Variants in SEC14L5 observed in about 807,000 individuals in gnomAD.
The protein encoded by SEC14L5 is SEC14 like lipid binding 5.
A neutral mutation model predicts 84.6 loss-of-function variants in SEC14L5; 96 were observed. That is an observed-to-expected ratio of 1.13 (90% confidence interval 0.96 to 1.34). The LOEUF is 1.34. Ranked by LOEUF, SEC14L5 falls within the 40% of genes most tolerant of loss-of-function variation. The probability of loss-of-function intolerance (pLI) is 0.00; values close to 1 mark genes in which losing one functional copy is unlikely to be tolerated. For missense variants in SEC14L5, 1,224 were observed against 942.5 expected (o/e 1.30, Z -3.91); for synonymous variants, 546 against 383.4 (o/e 1.42, Z -4.95).
intron 2 of SEC14L5, among the ~76,000 whole-genome samples, chr16:4,975,938 T>G (rs1278554972): frequency 6.6e-6 from 1 of 152,182 alleles, no homozygotes. Context: ...ATATTCTTTC[T>G]GCATTCTTAC....
chr16:5,005,882 AC>A (rs776552215), intron 11 of SEC14L5, 31 bp from the exon 12 acceptor site: 76 of 1,487,960 alleles, frequency 5.1e-5, no homozygotes, highest in African/African-American at 7.4e-5. Context: ...AAAAAAAAAA[AC>A]CATCCATCTT....
intron 2 of SEC14L5, among the ~76,000 whole-genome samples, chr16:4,979,901 C>T (rs1955398989): frequency 6.6e-6 from 1 of 152,198 alleles, no homozygotes; most frequent in South Asian, 2.1e-4. Flanking sequence ...CACCCCGATC[C>T]TCACTTCTCC....
chr16:4,997,497 C>G (rs912198385), intron 8 of SEC14L5, among the ~76,000 whole-genome samples: 3 of 152,188 alleles, frequency 2.0e-5, no homozygotes, highest in African/African-American at 7.2e-5. Flanking sequence ...GACAACCTAG[C>G]TAGGAAGAAC....
At chr16:4,992,178 TC>T in intron 6 of SEC14L5, 148 bp downstream of exon 6, 1 of 537,658 alleles carries the variant, frequency 1.9e-6, no homozygotes, top group Non-Finnish European at 3.3e-6. Context: ...GCCTCCTGCC[TC>T]CACTGAGTGC....
At chr16:4,967,437 G>A (rs1372380391) in intron 2 of SEC14L5, among the ~76,000 whole-genome samples, 2 of 152,004 alleles carry the variant, frequency 1.3e-5, no homozygotes, top group African/African-American at 2.4e-5. Context: ...CAGGGCTTAG[G>A]ACTTCAACAT....
At chr16:5,001,937 T>C (rs1429714395) in intron 10 of SEC14L5, among the ~76,000 whole-genome samples, 1 of 151,848 alleles carries the variant, frequency 6.6e-6, no homozygotes, top group Non-Finnish European at 1.5e-5. Context: ...CTTGCCCAGC[T>C]AATTTTTTTT....
chr16:5,009,309 A>T, intron 14 of SEC14L5, among the ~76,000 whole-genome samples: 1 of 151,342 alleles, frequency 6.6e-6, no homozygotes, highest in East Asian at 1.9e-4. Flanking sequence ...CCCATCTTAA[A>T]TCCTGTTTTT....
chr16:5,010,444 C>G (rs539583414), intron 14 of SEC14L5, among the ~76,000 whole-genome samples: 8 of 152,194 alleles, frequency 5.3e-5, no homozygotes, highest in South Asian at 2.1e-4. Context: ...TTGATCCCCA[C>G]ATTCTCCAGG....
chr16:4,964,130 G>A (rs1328009990), intron 2 of SEC14L5, among the ~76,000 whole-genome samples: 2 of 152,344 alleles, frequency 1.3e-5, no homozygotes, highest in East Asian at 3.9e-4. Flanking sequence ...TCCTTTGAAT[G>A]CCCGGGTCCC....
chr16:5,008,594 G>C lies in SEC14L5; in HGVS notation c.1746G>C (p.Arg582Ser). 4.4e-6 allele frequency: 7 copies of C among 1,604,142 alleles called. No homozygotes were observed. Among genetic ancestry groups the C allele is most frequent in the Non-Finnish European group, 5.1e-6 (6 of 1,177,488 alleles). ...QLIDKGWVLGRDYSRVEAPLV... is the reference protein window; with the variant it reads ...QLIDKGWVLGSDYSRVEAPLV... ...TCGACAAAGGCTGGGTCCTGGGCAG[G>C]GATTACAGCCGTGTGGAGGCTCCCC... is the stretch of plus-strand genomic sequence containing the variant. Residue 582 changes from arginine to serine, a missense_variant, in exon 14 of 16, where the codon AGG becomes AGC. Transcript: ENST00000251170.
intron 2 of SEC14L5, among the ~76,000 whole-genome samples, chr16:4,985,899 C>A (rs1453590581): frequency 1.3e-5 from 2 of 151,580 alleles, no homozygotes; most frequent in African/African-American, 2.4e-5. Flanking sequence ...TGTTGAATAG[C>A]CTGATGTTGG....
At chr16:4,977,151 A>G (rs963853414) in intron 2 of SEC14L5, among the ~76,000 whole-genome samples, 1 of 152,186 alleles carries the variant, frequency 6.6e-6, no homozygotes, top group Non-Finnish European at 1.5e-5. Context: ...CAGAATACAA[A>G]AAGAAACCTG....
Position 4,959,389 on chromosome 16 carries a change from G to T in SEC14L5, c.63+3G>T, listed in dbSNP as rs761365733. On this transcript the variant is annotated splice_donor_region_variant and intron_variant, in intron 2 of 15. Transcript: ENST00000251170. ...ACCCGTTTGAGCTGGTCATGGCGGT[G>T]AGTGACTCCTGATTCTTGGGCCCCC... 6.2e-7 allele frequency: 1 copy of T among 1,613,382 alleles called. No homozygotes were observed. Among genetic ancestry groups the T allele is most frequent in the South Asian group, 1.1e-5 (1 of 91,072 alleles).
chr16:4,958,664 G>C (rs1318522786), intron 1 of SEC14L5, among the ~76,000 whole-genome samples: 1 of 152,250 alleles, frequency 6.6e-6, no homozygotes, highest in Admixed American at 6.5e-5. Flanking sequence ...GTGCACGTCT[G>C]TGCACACCAG....
At chr16:4,968,467 C>T (rs1273751195) in intron 2 of SEC14L5, among the ~76,000 whole-genome samples, 5 of 152,194 alleles carry the variant, frequency 3.3e-5, no homozygotes, top group South Asian at 2.1e-4. Flanking sequence ...GCGTGGGCCA[C>T]GGCGCCCGGC....
chr16:4,967,582 TTTTTTTTTTTG>T (rs2142476829), intron 2 of SEC14L5, among the ~76,000 whole-genome samples: 1 of 137,482 alleles, frequency 7.3e-6, no homozygotes, highest in Non-Finnish European at 1.6e-5. Context: ...TTTTTTTTTT[TTTTTTTTTTTG>T]ACAGAGTGTT....
rs1378960734 is a variant in SEC14L5 at position 5,018,677 on chromosome 16, G to A, written c.*3707G>A. On this transcript the variant is annotated 3_prime_UTR_variant, in exon 16 of 16. Transcript: ENST00000251170. ...CCTGTCTCAAAAAAAGAAGAAAGAA[G>A]CTGCTTGTGTTTTCTGGGTAAGTCC... The A allele has an allele frequency of 1.3e-5, 2 of 152,164 alleles. No homozygotes were observed. Among genetic ancestry groups the A allele is most frequent in the African/African-American group, 4.8e-5 (2 of 41,428 alleles). 9.4% of individuals were successfully genotyped at this position (152,164 alleles called of 1,614,324 possible).
chr16:4,982,587 C>G (rs545015531), intron 2 of SEC14L5, among the ~76,000 whole-genome samples: 26 of 152,132 alleles, frequency 1.7e-4, no homozygotes, highest in Non-Finnish European at 3.5e-4. Context: ...TGAATTGGCT[C>G]CGAGGACAGT....
rs1469220876 is a variant in SEC14L5 at position 4,966,071 on chromosome 16, A to C, written c.63+6685A>C. Among the ~76,000 whole-genome samples, 3 of 152,138 alleles carry C rather than the reference A, an allele frequency of 2.0e-5. No homozygotes were observed. In the East Asian group the frequency reaches 5.8e-4, roughly 29 times the overall value. ...AATAAAATTAAAAAAAATGTTAAAAATGTTAAAAATATTTAACAAACTCAT... is the reference window on the plus strand; with the variant it reads ...AATAAAATTAAAAAAAATGTTAAAACTGTTAAAAATATTTAACAAACTCAT... On this transcript the variant is annotated intron_variant, in intron 2 of 15. Coordinates refer to ENST00000251170, the MANE Select transcript of SEC14L5 (RefSeq NM_014692.2).
Sources: gnomAD v4.1 joint callset for allele counts (sites outside exome capture counted in the v4.1 genomes callset) on GRCh38, gnomAD v4.1.1 for gene constraint, MANE v1.5 for transcripts, NCBI Gene and HGNC (gene_info 2026-07-23, HGNC 2026-07-21) for gene names.